Variants in FAAH observed in about 807,000 individuals in gnomAD.
FAAH encodes the protein fatty-acid amide hydrolase 1.
In FAAH, 63 loss-of-function variants were observed where a neutral mutation model predicts 69.7. The observed-to-expected ratio is 0.90, with a 90% CI of 0.74 to 1.12. The LOEUF (loss-of-function observed/expected upper bound fraction) is 1.12, where lower values mean the gene tolerates loss of function less well. Among genes scored for constraint, FAAH ranks in the 50% most tolerant of loss-of-function variants. FAAH has a pLI of 0.00. For missense variants in FAAH, 680 were observed against 755.0 expected, an observed-to-expected ratio of 0.90 and a Z score of 1.16; for synonymous variants, 305 against 324.2, an observed-to-expected ratio of 0.94 and a Z score of 0.64.
Position 46,410,584 on chromosome 1 carries a change from C to T in FAAH, c.1275+87C>T, listed in dbSNP as rs1569823829. ...CATGATCCCCCATGGCCTCCCTCAGCCTCTCTTGGTTTGGGCAGGCATGGC... is the reference window on the plus strand; with the variant it reads ...CATGATCCCCCATGGCCTCCCTCAGTCTCTCTTGGTTTGGGCAGGCATGGC... On this transcript the variant is annotated intron_variant, in intron 10 of 14. Transcript: ENST00000243167. This position sits in a 1 kb window ranked among gnomAD's most constrained non-coding sequence, Gnocchi z 4.9. 2.3e-6 allele frequency: 3 copies of T among 1,327,524 alleles called. No individual in the cohort carries two copies. In the East Asian group the frequency reaches 6.9e-5, roughly 31 times the overall value. 82.2% of individuals were successfully genotyped at this position (1,327,524 alleles called of 1,614,324 possible). A position where few individuals can be genotyped will look rare whatever the true frequency, so the allele number is the denominator to read the frequency against.
rs920126172 is a variant in FAAH at position 46,411,479 on chromosome 1, C to T, written c.1317-133C>T. ...CCAGACAGTAGGGGTTTGAACTTCC[C>T]TCTCAGAGCTCCCATGGGGTTGTGA... On this transcript the variant is annotated intron_variant, in intron 11 of 14. Transcript: ENST00000243167. This position sits in a 1 kb window ranked among gnomAD's most constrained non-coding sequence, Gnocchi z 4.8. The T allele has an allele frequency of 5.1e-6, 5 of 981,192 alleles. No individual in the cohort carries two copies. Among genetic ancestry groups the T allele is most frequent in the Non-Finnish European group, 6.4e-6 (4 of 626,572 alleles). The allele number at this position is 981,192 out of a possible 1,614,324, so 60.8% of individuals were successfully genotyped here.
Position 46,413,634 on chromosome 1 carries a change from C to T in FAAH, c.*59C>T, listed in dbSNP as rs1045932300. ...TCTCTGCAGCCCAGCCTAGTCAGGG[C>T]ACAGCTGCCCTGCTGCCACAGCAAG... On this transcript the variant is annotated 3_prime_UTR_variant, in exon 15 of 15. Transcript: ENST00000243167. The T allele has an allele frequency of 5.0e-6, 8 of 1,611,098 alleles. No individual in the cohort carries two copies. Among genetic ancestry groups the T allele is most frequent in the South Asian group, 1.1e-5 (1 of 90,800 alleles).
Position 46,405,725 on chromosome 1 carries a change from G to A in FAAH, c.716G>A (p.Gly239Glu), listed in dbSNP as rs200395925. 6.2e-7 allele frequency: 1 copy of A among 1,613,490 alleles called. No homozygotes were observed. Among genetic ancestry groups the A allele is most frequent in the East Asian group, 2.2e-5 (1 of 44,870 alleles). ...GSPLGLGTDI[G>E]GSIRFPSSFC... The stretch of plus-strand genomic sequence containing the variant: ...CCCCTGGGCTTAGGCACTGATATCG[G>A]AGGCAGCATCCGCTTCCCCTCCTCC... The change falls in exon 5 of 15, where the codon GGA (glycine) becomes GAA (glutamate). Residue 239 changes from glycine to glutamate, a missense_variant. Coordinates refer to ENST00000243167, the MANE Select transcript of FAAH (RefSeq NM_001441.3). The surrounding 1 kb of genome is among the most constrained non-coding windows in gnomAD (Gnocchi z 4.1).
At position 46,405,399 on chromosome 1, in the gene FAAH, C is replaced by T; in HGVS notation, c.472C>T (p.Leu158=). ...KGQDSTLGLS[L]NEGVPAECDS... is the part of the protein sequence containing the mutation. The stretch of plus-strand genomic sequence containing the variant: ...CCAGGACTCCACGCTGGGCTTGAGC[C>T]TGAATGAAGGGGTGCCGGCGGAGTG... Residue 158 remains leucine (L), a synonymous_variant, in exon 4 of 15, where the codon CTG becomes TTG. Transcript: ENST00000243167. This position sits in a 1 kb window ranked among gnomAD's most constrained non-coding sequence, Gnocchi z 4.1. The T allele has an allele frequency of 6.2e-7, 1 of 1,612,506 alleles. No individual in the cohort carries two copies. Among genetic ancestry groups the T allele is most frequent in the Non-Finnish European group, 8.5e-7 (1 of 1,180,024 alleles).
At chr1:46,396,836 CCCCACACATGT>C (rs1241006769) in intron 1 of FAAH, among the ~76,000 whole-genome samples, 4 of 152,124 alleles carry the variant, frequency 2.6e-5, no homozygotes, top group African/African-American at 9.7e-5. Context: ...TCTCTCTTTT[CCCCACACATGT>C]GTTGCGGTTT....
At chr1:46,399,570 G>A (rs1015462662) in intron 1 of FAAH, among the ~76,000 whole-genome samples, 8 of 152,364 alleles carry the variant, frequency 5.3e-5, no homozygotes, top group Admixed American at 6.5e-5. Context: ...CTCTGTGGGC[G>A]CCTTGTAGCG....
Position 46,404,866 on chromosome 1 carries a change from C to T in FAAH, c.310-148C>T. 3 of 1,041,240 alleles carry T rather than the reference C, an allele frequency of 2.9e-6. No individual in the cohort carries two copies. The highest frequency in any genetic ancestry group is 4.3e-6 in the Non-Finnish European group (3 of 697,270). The allele number at this position is 1,041,240 out of a possible 1,614,324, so 64.5% of individuals were successfully genotyped here. On this transcript the variant is annotated intron_variant, in intron 2 of 14. Transcript: ENST00000243167. This position sits in a 1 kb window ranked among gnomAD's most constrained non-coding sequence, Gnocchi z 4.5. ...GGCAGATGCTGAGCCCTAGGTCATC[C>T]TCTGTGCCCCAGGCTCTGGGCCATG...
chr1:46,413,283 G>T, intron 14 of FAAH, 63 bp downstream of exon 14: 2 of 1,612,800 alleles, frequency 1.2e-6, no homozygotes, highest in South Asian at 2.2e-5. Context: ...CGCTGTGGAG[G>T]AAACAGTACC....
Position 46,411,685 on chromosome 1 carries a change from G to C in FAAH, c.1356+34G>C. The C allele has an allele frequency of 6.2e-6, 10 of 1,612,844 alleles. No individual in the cohort carries two copies. The highest frequency in any genetic ancestry group is 8.5e-6 in the Non-Finnish European group (10 of 1,179,202). ...AGAGCCTCTGGATTGGAGCAGGGTG[G>C]TGGGGGGAGGGTGGAGTTGGACAGG... On this transcript the variant is annotated intron_variant, in intron 12 of 14. Transcript: ENST00000243167. The surrounding 1 kb of genome is among the most constrained non-coding windows in gnomAD (Gnocchi z 4.8).
chr1:46,412,979 G>T, intron 13 of FAAH, 96 bp from the exon 14 acceptor site: 1 of 1,453,230 alleles, frequency 6.9e-7, no homozygotes, highest in Non-Finnish European at 9.6e-7. Flanking sequence ...TCTGGCTGTA[G>T]ACACAGGGTG....
chr1:46,413,351 C>G, intron 14 of FAAH, 96 bp from the exon 15 acceptor site: 1 of 1,609,790 alleles, frequency 6.2e-7, no homozygotes. Flanking sequence ...TGGCCTGGCC[C>G]TACGTTGTGG....
At chr1:46,402,240 G>A (rs201409189) in intron 2 of FAAH, 36 bp downstream of exon 2, 135 of 1,524,868 alleles carry the variant, frequency 8.9e-5, no homozygotes, top group Non-Finnish European at 1.1e-4. Context: ...CCCTGGGAAA[G>A]GTAAGGCCAG....
chr1:46,412,467 T>C (rs988197398), intron 13 of FAAH, among the ~76,000 whole-genome samples: 2 of 152,136 alleles, frequency 1.3e-5, no homozygotes, highest in African/African-American at 2.4e-5. Context: ...AGTTACAGAA[T>C]CTAGTTTGGG....
chr1:46,407,149 C>T (rs1341110060), intron 7 of FAAH, among the ~76,000 whole-genome samples: 2 of 152,016 alleles, frequency 1.3e-5, no homozygotes, highest in African/African-American at 4.8e-5. Flanking sequence ...CAAAATACCA[C>T]CACAGCAGCC....
At position 46,404,120 on chromosome 1, in the gene FAAH, G is replaced by C. The variant is rs529466055; in HGVS notation, c.310-894G>C. ...GCATGCTGGGCTGGTGTCACTGAGA[G>C]GGGGCACGTACATAGTCTCAGCAGA... On this transcript the variant is annotated intron_variant, in intron 2 of 14. Transcript: ENST00000243167. The surrounding 1 kb of genome is among the most constrained non-coding windows in gnomAD (Gnocchi z 4.5). Among the ~76,000 whole-genome samples, 7 of 152,298 alleles carry C rather than the reference G, an allele frequency of 4.6e-5. No individual in the cohort carries two copies. The East Asian group carries it at 1.3e-3, about 29-fold the overall frequency.
Position 46,404,561 on chromosome 1 carries a change from C to T in FAAH, c.310-453C>T, listed in dbSNP as rs1339269590. Among the ~76,000 whole-genome samples, 1 of 152,194 alleles carries T rather than the reference C, an allele frequency of 6.6e-6. No homozygotes were observed. The highest frequency in any genetic ancestry group is 1.5e-5 in the Non-Finnish European group (1 of 68,024). ...GGGTTGAGGAGAGACTGCTGGGCTCCGGGAGGCAGGAGTCTGGTCTAGTCC... is the reference window on the plus strand; with the variant it reads ...GGGTTGAGGAGAGACTGCTGGGCTCTGGGAGGCAGGAGTCTGGTCTAGTCC... On this transcript the variant is annotated intron_variant, in intron 2 of 14. Coordinates refer to ENST00000243167, the MANE Select transcript of FAAH (RefSeq NM_001441.3). The surrounding 1 kb of genome is among the most constrained non-coding windows in gnomAD (Gnocchi z 4.5).
intron 1 of FAAH, 151 bp downstream of exon 1, chr1:46,394,694 C>A: frequency 1.4e-6 from 1 of 704,046 alleles, no homozygotes; most frequent in Non-Finnish European, 2.0e-6. Flanking sequence ...ATATTCCGCA[C>A]TTTCTGAGCC....
At chr1:46,409,566 G>A (rs989750724) in intron 9 of FAAH, among the ~76,000 whole-genome samples, 1 of 152,084 alleles carries the variant, frequency 6.6e-6, no homozygotes, top group African/African-American at 2.4e-5. Context: ...TGTCTGACTT[G>A]AGCCAAGTCT....
rs1664899346 is a variant in FAAH at position 46,410,806 on chromosome 1, C to T, written c.1276-8C>T. 2.5e-6 allele frequency: 4 copies of T among 1,614,204 alleles called. No homozygotes were observed. The South Asian group carries it at 3.3e-5, about 13-fold the overall frequency. The stretch of plus-strand genomic sequence containing the variant: ...CTGAGTCACCGACCCTGCGTCTGTC[C>T]TGTGCAGCTGCCAAGGCTGTCAGCT... On this transcript the variant is annotated splice_region_variant and splice_polypyrimidine_tract_variant and intron_variant, in intron 10 of 14. Coordinates refer to ENST00000243167, the MANE Select transcript of FAAH (RefSeq NM_001441.3). This position sits in a 1 kb window ranked among gnomAD's most constrained non-coding sequence, Gnocchi z 4.9.
Sources: allele counts gnomAD v4.1 joint callset (sites outside exome capture counted in the v4.1 genomes callset), GRCh38; gene constraint gnomAD v4.1.1; non-coding constraint Gnocchi (gnomAD v3.1); transcripts MANE v1.5; gene names NCBI Gene and HGNC (gene_info 2026-07-23, HGNC 2026-07-21).